The following LNPEP variants were observed in gnomAD, a reference collection of about 807,000 sequenced individuals.
LNPEP encodes leucyl and cystinyl aminopeptidase.
Under a neutral mutation model 120.6 loss-of-function variants are expected in LNPEP, and 64 were observed. The observed-to-expected ratio is 0.53, with a 90% confidence interval of 0.43 to 0.65. The LOEUF is 0.65. Ranked by LOEUF, LNPEP falls within the 30% of genes least tolerant of loss-of-function variation. The pLI, the probability that LNPEP is intolerant of heterozygous loss-of-function variation, is 0.00. For synonymous variants in LNPEP, 435 were observed against 425.4 expected, an observed-to-expected ratio of 1.02 and a Z score of -0.28; for missense variants, 1,057 against 1,200.0, an observed-to-expected ratio of 0.88 and a Z score of 1.76.
chr5:97,006,245 C>T lies in LNPEP; in HGVS notation c.1946+12C>T, dbSNP rs751032441. ...CCTTCAGATACAAGGTACATGCCCT[C>T]TTTCTTTTCATGCCATCTCTTTTGC... On this transcript the variant is annotated intron_variant, in intron 10 of 17. Transcript: ENST00000231368. The T allele has an allele frequency of 4.4e-6, 7 of 1,587,506 alleles. No individual in the cohort carries two copies. The highest frequency in any genetic ancestry group is 1.7e-4 in the Middle Eastern group (1 of 5,998).
At chr5:96,986,372 A>G (rs1213479569) in intron 3 of LNPEP, among the ~76,000 whole-genome samples, 167 bp from the exon 4 acceptor site, 3 of 152,214 alleles carry the variant, frequency 2.0e-5, no homozygotes, top group Admixed American at 1.3e-4. Flanking sequence ...ATGGTACAAC[A>G]GACTGAGACT....
rs951566197 is a variant in LNPEP, at chr5:97,034,152, T to C, written c.*5619T>C. On this transcript the variant is annotated 3_prime_UTR_variant, in exon 18 of 18. Coordinates refer to ENST00000231368, the MANE Select transcript of LNPEP (RefSeq NM_005575.3). The stretch of plus-strand genomic sequence containing the variant: ...TCTGTAGGCAATAATTATAGAGTAG[T>C]ATAGATGGTTTTTCTTTTTTATCCA... The C allele has an allele frequency of 2.6e-5, 4 of 152,050 alleles. No individual in the cohort carries two copies. The highest frequency in any genetic ancestry group is 5.9e-5 in the Non-Finnish European group (4 of 67,978). 9.4% of individuals were successfully genotyped at this position (152,050 alleles called of 1,614,324 possible).
rs1791577131 is a variant in LNPEP, at chr5:97,036,633, G to C, written c.*8100G>C. 2 of 151,956 alleles carry C rather than the reference G, an allele frequency of 1.3e-5. No individual in the cohort carries two copies. Among genetic ancestry groups the C allele is most frequent in the Non-Finnish European group, 1.5e-5 (1 of 67,978 alleles). 9.4% of individuals were successfully genotyped at this position (151,956 alleles called of 1,614,324 possible). ...CCCTTCCTTCAGGCCTCTTAGCATTGTTTGTTTTCCCATTTCTGATACTAC... is the reference window on the plus strand; with the variant it reads ...CCCTTCCTTCAGGCCTCTTAGCATTCTTTGTTTTCCCATTTCTGATACTAC... On this transcript the variant is annotated 3_prime_UTR_variant, in exon 18 of 18. Transcript: ENST00000231368.
rs1009603058 is a variant in LNPEP, at chr5:97,024,756, A to G, written c.2723+74A>G. ...ACACTGTGCTCTTGGTCAGGAGCTC[A>G]TTTTTGAGGGGATCTCTTTTCCCCA... is the stretch of plus-strand genomic sequence containing the variant. On this transcript the variant is annotated intron_variant, in intron 15 of 17. Coordinates refer to ENST00000231368, the MANE Select transcript of LNPEP (RefSeq NM_005575.3). 20 of 1,353,138 alleles carry G rather than the reference A, an allele frequency of 1.5e-5. No individual in the cohort carries two copies. In the Middle Eastern group the frequency reaches 5.6e-4, roughly 38 times the overall value. The allele number at this position is 1,353,138 out of a possible 1,614,324, so 83.8% of individuals were successfully genotyped here.
At chr5:96,975,325 A>G (rs1235176127) in intron 1 of LNPEP, among the ~76,000 whole-genome samples, 3 of 152,142 alleles carry the variant, frequency 2.0e-5, no homozygotes, top group East Asian at 1.9e-4. Context: ...TATATTCTCA[A>G]TCTCAGTGAA....
chr5:97,035,681 A>G lies in LNPEP; in HGVS notation c.*7148A>G, dbSNP rs1791560507. The G allele has an allele frequency of 6.6e-6, 1 of 152,112 alleles. No homozygotes were observed. The highest frequency in any genetic ancestry group is 2.4e-5 in the African/African-American group (1 of 41,436). The allele number at this position is 152,112 out of a possible 1,614,324, so 9.4% of individuals were successfully genotyped here. A position where few individuals can be genotyped will look rare whatever the true frequency, so the allele number is the denominator to read the frequency against. On this transcript the variant is annotated 3_prime_UTR_variant, in exon 18 of 18. Transcript: ENST00000231368. The stretch of plus-strand genomic sequence containing the variant: ...ATATCATTTGCTTCTTTCTTCCGCC[A>G]TTATTTTCCTTTAACACTTAGTCCC...
intron 8 of LNPEP, among the ~76,000 whole-genome samples, chr5:96,999,973 T>C (rs894681145): frequency 4.6e-5 from 7 of 152,146 alleles, no homozygotes; most frequent in South Asian, 2.1e-4. Flanking sequence ...AATTCATTCA[T>C]TTAGCAAATC....
intron 16 of LNPEP, 56 bp from the exon 17 acceptor site, chr5:97,027,674 GAAC>G (rs1471916822): frequency 6.1e-5 from 67 of 1,096,284 alleles, no homozygotes; most frequent in Admixed American, 1.5e-4. Flanking sequence ...TTGCACTCAG[GAAC>G]AACGCTTTAC....
chr5:96,982,656 G>T (rs1407788254), intron 2 of LNPEP, among the ~76,000 whole-genome samples: 1 of 152,034 alleles, frequency 6.6e-6, no homozygotes, highest in Non-Finnish European at 1.5e-5. Flanking sequence ...GAATGTTGGG[G>T]GTGGGTTGAA....
chr5:97,011,187 G>T lies in LNPEP; in HGVS notation c.2036-2461G>T, dbSNP rs1032505727. ...TCCTTTTATGGGCAAGGGAGACTTG[G>T]GTCTCTGTAGCCCTTCTTTCTGGGG... On this transcript the variant is annotated intron_variant, in intron 11 of 17. Coordinates refer to ENST00000231368, the MANE Select transcript of LNPEP (RefSeq NM_005575.3). 3.0e-6 allele frequency: 3 copies of T among 985,080 alleles called. No individual in the cohort carries two copies. The African/African-American group carries it at 5.2e-5, about 17-fold the overall frequency. The allele number at this position is 985,080 out of a possible 1,614,324, so 61.0% of individuals were successfully genotyped here.
At chr5:96,960,106 T>C (rs13358339) in intron 1 of LNPEP, among the ~76,000 whole-genome samples, 61,007 of 151,234 alleles carry the variant, frequency 0.4, 12,378 homozygotes, top group Non-Finnish European at 0.43. Context: ...ACCTGGCTAA[T>C]TTTTGTTTTT....
rs1790740319 is a variant in LNPEP, at chr5:97,004,819, CTCTGA to C, written c.1786-1251_1786-1247del. ...TTGTTCCCAAATCATTGTTTTTTTCCTCTGATCATATAGTAGTATTTCAATTGAAA... is the reference window on the plus strand; with the variant it reads ...TTGTTCCCAAATCATTGTTTTTTTCCTCATATAGTAGTATTTCAATTGAAA... On this transcript the variant is annotated intron_variant, in intron 9 of 17. Transcript: ENST00000231368. Among the ~76,000 whole-genome samples, 3 of 152,060 alleles carry C rather than the reference CTCTGA, an allele frequency of 2.0e-5. No homozygotes were observed. The South Asian group carries it at 6.2e-4, about 32-fold the overall frequency.
chr5:96,980,926 T>G (rs1790106946), intron 2 of LNPEP, among the ~76,000 whole-genome samples: 1 of 152,188 alleles, frequency 6.6e-6, no homozygotes, highest in Non-Finnish European at 1.5e-5. Context: ...ATAAATAATT[T>G]TTATTTTATT....
chr5:96,960,836 C>G (rs887243778), intron 1 of LNPEP, among the ~76,000 whole-genome samples: 19 of 151,750 alleles, frequency 1.3e-4, no homozygotes, highest in Non-Finnish European at 2.1e-4. Flanking sequence ...TTTTCTGAAA[C>G]TATCTACTAT....
intron 1 of LNPEP, among the ~76,000 whole-genome samples, chr5:96,961,120 A>G (rs901263099): frequency 2.6e-5 from 4 of 152,214 alleles, no homozygotes; most frequent in Non-Finnish European, 5.9e-5. Context: ...ACCATGTTGT[A>G]GACTTGCTTC....
intron 11 of LNPEP, among the ~76,000 whole-genome samples, chr5:97,007,340 T>C (rs534702992): frequency 1.4e-4 from 21 of 152,276 alleles, no homozygotes; most frequent in Admixed American, 6.5e-4. Flanking sequence ...GCAGTACCAT[T>C]GATCACTTAT....
chr5:96,973,593 T>G (rs1469525988), intron 1 of LNPEP, among the ~76,000 whole-genome samples: 1 of 152,160 alleles, frequency 6.6e-6, no homozygotes, highest in Non-Finnish European at 1.5e-5. Flanking sequence ...TTGGATATTA[T>G]AAGTAGTCTA....
chr5:97,026,751 T>A lies in LNPEP; in HGVS notation c.2858T>A (p.Val953Glu). The A allele has an allele frequency of 6.2e-7, 1 of 1,611,462 alleles. No homozygotes were observed. The highest frequency in any genetic ancestry group is 8.5e-7 in the Non-Finnish European group (1 of 1,178,528). The change falls in exon 16 of 18, where the codon GTA becomes GAA. Residue 953 changes from valine (V) to glutamate (E), a missense_variant. Val to Glu is a moderately radical substitution (Grantham distance 121). Coordinates refer to ENST00000231368, the MANE Select transcript of LNPEP (RefSeq NM_005575.3). ...DFVKENWNKL[V>E]QKFPLGSYTI... ...GTCAAAGAGAACTGGAATAAGCTTG[T>A]ACAGAAGTAAGTTTCTCAGAGAATT...
intron 1 of LNPEP, among the ~76,000 whole-genome samples, chr5:96,954,749 C>CACACACATAT (rs1554066390): frequency 2.1e-4 from 5 of 24,206 alleles, no homozygotes; most frequent in African/African-American, 7.4e-4. Context: ...TATATATACA[C>CACACACATAT]ATATATATAT....
Sources: allele counts gnomAD v4.1 joint callset (sites outside exome capture counted in the v4.1 genomes callset), GRCh38; gene constraint gnomAD v4.1.1; transcripts MANE v1.5; gene names NCBI Gene and HGNC (gene_info 2026-07-23, HGNC 2026-07-21).